The following INPP5F variants were observed in gnomAD, a reference collection of about 807,000 sequenced individuals.
The protein encoded by INPP5F is inositol polyphosphate-5-phosphatase F.
A neutral mutation model predicts 137.2 loss-of-function variants in INPP5F; 97 were observed. The observed-to-expected ratio is 0.71, with a 90% CI of 0.60 to 0.84. The LOEUF is 0.84. Ranked by LOEUF, INPP5F falls within the 40% of genes least tolerant of loss-of-function variation. The pLI is 0.00. For missense variants in INPP5F, 1,271 were observed against 1,371.9 expected, an observed-to-expected ratio of 0.93 and a Z score of 1.16; for synonymous variants, 504 against 476.9, an observed-to-expected ratio of 1.06 and a Z score of -0.74.
At position 119,826,960 on chromosome 10, in the gene INPP5F, CT is replaced by C; in HGVS notation, c.2580del (p.Asp861MetfsTer15). 6.2e-7 allele frequency: 1 copy of C among 1,614,032 alleles called. No individual in the cohort carries two copies. ...DMSSDNDSYH[S>X]DEFLTNSKSD... ...TCTTCAGATAATGACTCATACCACT[CT>C]GATGAATTCCTTACAAATTCTAAGT... On this transcript the variant is annotated frameshift_variant, in exon 20 of 20. Transcript: ENST00000650623. LOFTEE classifies it high-confidence loss of function.
intron 2 of INPP5F, among the ~76,000 whole-genome samples, chr10:119,762,415 TC>T (rs1849035097): frequency 6.6e-6 from 1 of 152,078 alleles, no homozygotes; most frequent in South Asian, 2.1e-4. Flanking sequence ...AGGGCACTAA[TC>T]CCATTTGTGA....
chr10:119,730,771 T>C (rs1266230079), intron 1 of INPP5F, among the ~76,000 whole-genome samples: 1 of 134,256 alleles, frequency 7.4e-6, no homozygotes, highest in Non-Finnish European at 1.6e-5. Flanking sequence ...GGTGATACTC[T>C]AAGTGATGAA....
intron 6 of INPP5F, among the ~76,000 whole-genome samples, chr10:119,795,579 T>C (rs1850344793): frequency 1.3e-5 from 2 of 148,372 alleles, no homozygotes; most frequent in African/African-American, 2.5e-5. Context: ...GCAGAGACGC[T>C]CCTCACTTTC....
chr10:119,791,727 A>AT (rs1457952447), intron 4 of INPP5F, 82 bp downstream of exon 4: 4 of 1,407,576 alleles, frequency 2.8e-6, no homozygotes, highest in Non-Finnish European at 3.9e-6. Flanking sequence ...CAGAAAATTT[A>AT]TTTTTAAACC....
In INPP5F at chr10:119,806,382, T is replaced by C. The variant is rs371949230; in HGVS notation, c.1342T>C (p.Cys448Arg). The C allele has an allele frequency of 5.0e-6, 8 of 1,588,080 alleles. No individual in the cohort carries two copies. Among genetic ancestry groups the C allele is most frequent in the African/African-American group, 1.3e-5 (1 of 74,408 alleles). The change falls in exon 12 of 20, where the codon TGT becomes CGT. Residue 448 changes from cysteine to arginine, a missense_variant. Cys to Arg is a radical substitution (Grantham distance 180). Transcript: ENST00000650623. ...WCWVDEAGVI[C>R]KQEGIFRVNC... ...AAGGGTTGATGAAGCTGGGGTAATA[T>C]GTAAGCAGGAAGGGATTTTTCGTGT...
intron 14 of INPP5F, among the ~76,000 whole-genome samples, chr10:119,810,732 A>G (rs540757104): frequency 2.0e-5 from 3 of 152,342 alleles, no homozygotes; most frequent in Non-Finnish European, 4.4e-5. Context: ...AAATGGAAGG[A>G]TAGATTGCCC....
At chr10:119,758,893 T>C (rs1200389474) in intron 2 of INPP5F, among the ~76,000 whole-genome samples, 2 of 152,224 alleles carry the variant, frequency 1.3e-5, no homozygotes, top group Non-Finnish European at 2.9e-5. Context: ...TTAATACTGA[T>C]TTTAGTCTTC....
intron 15 of INPP5F, chr10:119,819,725 ATAT>A (rs1851473871): frequency 2.4e-6 from 1 of 415,948 alleles, no homozygotes; most frequent in Non-Finnish European, 4.3e-6. Context: ...ATTTTTTGAT[ATAT>A]TATTGTACGT....
intron 1 of INPP5F, among the ~76,000 whole-genome samples, chr10:119,728,499 C>G (rs1398538307): frequency 6.6e-6 from 1 of 152,130 alleles, no homozygotes; most frequent in African/African-American, 2.4e-5. Flanking sequence ...TTTGTAGTGA[C>G]AGCATTTAAA....
At chr10:119,751,508 A>G (rs1172516024) in intron 2 of INPP5F, among the ~76,000 whole-genome samples, 1 of 152,184 alleles carries the variant, frequency 6.6e-6, no homozygotes, top group Admixed American at 6.5e-5. Flanking sequence ...GGTTGGCTTT[A>G]TGTCAGCTGA....
chr10:119,804,301 A>G lies in INPP5F; in HGVS notation c.1241+4A>G, dbSNP rs111803215. 6.2e-7 allele frequency: 1 copy of G among 1,608,828 alleles called. No homozygotes were observed. The highest frequency in any genetic ancestry group is 8.5e-7 in the Non-Finnish European group (1 of 1,178,562). On this transcript the variant is annotated splice_donor_region_variant and intron_variant, in intron 10 of 19. Transcript: ENST00000650623. ...CGTTTGACTTCCATGAGCACTGGTA[A>G]GATGGCTTTCGGAGAATAGTGTTGA...
chr10:119,750,967 A>C (rs932021150), intron 1 of INPP5F, 109 bp from the exon 2 acceptor site: 2 of 733,186 alleles, frequency 2.7e-6, no homozygotes, highest in African/African-American at 1.8e-5. Flanking sequence ...TTGGATATTC[A>C]TACTGCTTTT....
intron 12 of INPP5F, among the ~76,000 whole-genome samples, chr10:119,806,732 G>A (rs1850805931): frequency 6.6e-6 from 1 of 151,850 alleles, no homozygotes; most frequent in Admixed American, 6.6e-5. Flanking sequence ...GGGTGGCATT[G>A]TGTGGTCATT....
At chr10:119,786,029 C>T (rs557193740) in intron 3 of INPP5F, among the ~76,000 whole-genome samples, 30 of 152,262 alleles carry the variant, frequency 2.0e-4, no homozygotes, top group African/African-American at 7.2e-4. Context: ...TAATGGATAA[C>T]CGCATCATTT....
chr10:119,733,363 T>A (rs924333301), intron 1 of INPP5F, among the ~76,000 whole-genome samples: 5 of 152,236 alleles, frequency 3.3e-5, no homozygotes, highest in Non-Finnish European at 4.4e-5. Flanking sequence ...GTTGATCAGG[T>A]TTCTCTTCTT....
intron 2 of INPP5F, among the ~76,000 whole-genome samples, chr10:119,771,035 ACT>A (rs758509612): frequency 2.0e-5 from 3 of 152,002 alleles, no homozygotes; most frequent in Non-Finnish European, 2.9e-5. Flanking sequence ...AACATTTACC[ACT>A]CTCTAATTCC....
intron 2 of INPP5F, among the ~76,000 whole-genome samples, chr10:119,754,177 G>T (rs979948462): frequency 2.0e-5 from 3 of 152,222 alleles, no homozygotes; most frequent in African/African-American, 7.2e-5. Context: ...TGGGCCAGGG[G>T]ACTCCTGGCC....
chr10:119,776,701 T>TGA (rs1163950155), intron 2 of INPP5F, among the ~76,000 whole-genome samples: 1 of 151,926 alleles, frequency 6.6e-6, no homozygotes, highest in African/African-American at 2.4e-5. Context: ...TGTGTGTGTG[T>TGA]GACCCACAGA....
chr10:119,790,925 C>T (rs1006714001), intron 3 of INPP5F, among the ~76,000 whole-genome samples: 1 of 152,212 alleles, frequency 6.6e-6, no homozygotes, highest in Admixed American at 6.5e-5. Context: ...TCTCCTGCAG[C>T]CCCTAATTAC....
Sources: allele counts gnomAD v4.1 joint callset (sites outside exome capture counted in the v4.1 genomes callset), GRCh38; gene constraint gnomAD v4.1.1; transcripts MANE v1.5; gene names NCBI Gene and HGNC (gene_info 2026-07-23, HGNC 2026-07-21).